Variants in FTCDNL1 observed in about 807,000 individuals in gnomAD.
FTCDNL1 encodes the protein formiminotransferase cyclodeaminase N-terminal like.
In FTCDNL1, 11 loss-of-function variants were observed where a neutral mutation model predicts 5.9. That is an observed-to-expected ratio of 1.87 (90% CI 1.18 to 3.10). The LOEUF is 3.10. Among genes scored for constraint, FTCDNL1 ranks in the 30% most tolerant of loss-of-function variants. FTCDNL1 has a pLI of 0.00. For synonymous variants in FTCDNL1, 58 were observed against 24.8 expected, an observed-to-expected ratio of 2.34 and a Z score of -3.99; for missense variants, 115 against 65.5, an observed-to-expected ratio of 1.76 and a Z score of -2.61.
At chr2:199,802,016 G>C (rs2106405982) in intron 3 of FTCDNL1, among the ~76,000 whole-genome samples, 1 of 151,978 alleles carries the variant, frequency 6.6e-6, no homozygotes, top group Admixed American at 6.5e-5. Flanking sequence ...ACCAAGCATA[G>C]GACCCTGTGC....
the FTCDNL1 span, among the ~76,000 whole-genome samples, chr2:199,740,701 C>G: frequency 1.3e-5 from 2 of 152,160 alleles, no homozygotes; most frequent in African/African-American, 4.8e-5. Flanking sequence ...GTCATTGAAT[C>G]TCCTGTAGCC....
At chr2:199,700,197 CA>C in the FTCDNL1 span, among the ~76,000 whole-genome samples, 1 of 152,138 alleles carries the variant, frequency 6.6e-6, no homozygotes, top group South Asian at 2.1e-4. Context: ...ACAATTTCAG[CA>C]AAGTTTCAGG....
At chr2:199,720,067 T>C in the FTCDNL1 span, among the ~76,000 whole-genome samples, 3 of 152,200 alleles carry the variant, frequency 2.0e-5, no homozygotes, top group Non-Finnish European at 4.4e-5. Context: ...AGCTAGACTG[T>C]TATTGGTGTA....
chr2:199,677,767 T>C, the FTCDNL1 span, among the ~76,000 whole-genome samples: 2 of 152,204 alleles, frequency 1.3e-5, no homozygotes, highest in African/African-American at 4.8e-5. Flanking sequence ...AATGTGCTCA[T>C]AAGCCAAAGC....
chr2:199,721,140 C>T, the FTCDNL1 span, among the ~76,000 whole-genome samples: 1 of 152,050 alleles, frequency 6.6e-6, no homozygotes, highest in African/African-American at 2.4e-5. Flanking sequence ...ATTTAAGTTC[C>T]AGGGTACATA....
intron 3 of FTCDNL1, among the ~76,000 whole-genome samples, chr2:199,802,226 C>T (rs574183762): frequency 6.6e-6 from 1 of 152,258 alleles, no homozygotes; most frequent in African/African-American, 2.4e-5. Context: ...ACATATTACC[C>T]AGGACTTACT....
chr2:199,688,773 G>A, the FTCDNL1 span, among the ~76,000 whole-genome samples: 2 of 152,350 alleles, frequency 1.3e-5, no homozygotes, highest in African/African-American at 2.4e-5. Flanking sequence ...CAGAAAAAGT[G>A]CATTCCAGAC....
At chr2:199,731,478 G>A in the FTCDNL1 span, among the ~76,000 whole-genome samples, 3 of 152,336 alleles carry the variant, frequency 2.0e-5, no homozygotes, top group African/African-American at 7.2e-5. Flanking sequence ...TAATTAGACA[G>A]ATGACTTGCA....
intron 3 of FTCDNL1, among the ~76,000 whole-genome samples, chr2:199,778,346 G>A (rs1699196092): frequency 6.6e-6 from 1 of 152,160 alleles, no homozygotes; most frequent in African/African-American, 2.4e-5. Context: ...TGGGAACATG[G>A]TAGAAACACA....
the FTCDNL1 span, among the ~76,000 whole-genome samples, chr2:199,685,214 A>T: frequency 6.6e-6 from 1 of 152,128 alleles, no homozygotes; most frequent in Non-Finnish European, 1.5e-5. Context: ...AACCTCTGAG[A>T]CAAGGGGAAA....
chr2:199,841,311 C>T (rs868573843), intron 3 of FTCDNL1, among the ~76,000 whole-genome samples: 5 of 151,520 alleles, frequency 3.3e-5, no homozygotes, highest in African/African-American at 1.2e-4. Flanking sequence ...CGCTTGAACA[C>T]AGGAGGCGGG....
chr2:199,757,792 G>A (rs888181138), downstream of FTCDNL1, among the ~76,000 whole-genome samples: 4 of 152,140 alleles, frequency 2.6e-5, no homozygotes, highest in Admixed American at 2.0e-4. Flanking sequence ...CTGTCCAGAT[G>A]GGCATTAAAT....
chr2:199,796,841 G>C (rs898898647), intron 3 of FTCDNL1, among the ~76,000 whole-genome samples: 1 of 151,858 alleles, frequency 6.6e-6, no homozygotes, highest in Admixed American at 6.6e-5. Context: ...ATATTTAATA[G>C]TCTTTTAAAT....
chr2:199,787,078 C>T (rs1006532835), intron 3 of FTCDNL1, among the ~76,000 whole-genome samples: 2 of 152,212 alleles, frequency 1.3e-5, no homozygotes, highest in South Asian at 4.1e-4. Context: ...TTACTGTCTC[C>T]CTCTTCTGCA....
chr2:199,704,733 C>A, the FTCDNL1 span, among the ~76,000 whole-genome samples: 2 of 152,092 alleles, frequency 1.3e-5, no homozygotes, highest in African/African-American at 2.4e-5. Context: ...CCTATCAGTG[C>A]CCCCACCCCT....
At chr2:199,826,433 GA>G (rs200950878) in intron 3 of FTCDNL1, among the ~76,000 whole-genome samples, 1,139 of 81,454 alleles carry the variant, frequency 0.014, 12 homozygotes, top group African/African-American at 0.04. Context: ...GGAAAAGAAA[GA>G]AAAAAAAAAA....
At chr2:199,775,200 A>G (rs1446084476) in intron 3 of FTCDNL1, among the ~76,000 whole-genome samples, 2 of 152,210 alleles carry the variant, frequency 1.3e-5, no homozygotes, top group Non-Finnish European at 2.9e-5. Context: ...TTAGATTCTA[A>G]GCCTGCAACC....
the FTCDNL1 span, among the ~76,000 whole-genome samples, chr2:199,690,771 A>C: frequency 1.3e-5 from 2 of 152,186 alleles, no homozygotes; most frequent in African/African-American, 4.8e-5. Flanking sequence ...GTAGAGGCTC[A>C]AAAAATATGT....
the FTCDNL1 span, among the ~76,000 whole-genome samples, chr2:199,686,250 T>G: frequency 3.3e-5 from 5 of 152,186 alleles, no homozygotes; most frequent in African/African-American, 1.2e-4. Context: ...AAATGATACT[T>G]ACACCACTAC....
Sources: gnomAD v4.1 joint callset for allele counts (sites outside exome capture counted in the v4.1 genomes callset) on GRCh38, gnomAD v4.1.1 for gene constraint, MANE v1.5 for transcripts, NCBI Gene and HGNC (gene_info 2026-07-23, HGNC 2026-07-21) for gene names.